FER1L5: variants seen among roughly 807,000 people sequenced by gnomAD.
FER1L5 encodes fer-1-like protein 5.
A neutral mutation model predicts 279.9 loss-of-function variants in FER1L5; 187 were observed. The ratio of observed to expected loss-of-function variants is 0.67; its 90% CI spans 0.59 to 0.75. FER1L5 has a LOEUF of 0.75. FER1L5 is among the 30% of genes least tolerant of loss of function. FER1L5 has a pLI of 0.00. For missense variants in FER1L5, 2,091 were observed against 2,594.4 expected (o/e 0.81, Z 4.21); for synonymous variants, 921 against 989.7 (o/e 0.93, Z 1.30).
At chr2:96,688,072 T>C (rs2077000704) in intron 24 of FER1L5, 125 bp downstream of exon 24, 1 of 1,270,146 alleles carries the variant, frequency 7.9e-7, no homozygotes. Flanking sequence ...GTAGCTGCAG[T>C]AGCCCTGCAC....
At position 96,691,704 on chromosome 2, in the gene FER1L5, A is replaced by C. The variant is rs1395928121; in HGVS notation, c.3075+92A>C. ...CTGGCTGGGGCGCTGACTGCGGAGG[A>C]AGGGCCTCTGTTCCTCAGGCTTGCG... On this transcript the variant is annotated intron_variant, in intron 29 of 52. Transcript: ENST00000624922. This position sits in a 1 kb window ranked among gnomAD's most constrained non-coding sequence, Gnocchi z 6.0. The C allele has an allele frequency of 6.5e-7, 1 of 1,543,088 alleles. No homozygotes were observed. Among genetic ancestry groups the C allele is most frequent in the Non-Finnish European group, 8.8e-7 (1 of 1,142,146 alleles).
Position 96,699,932 on chromosome 2 carries a change from G to A in FER1L5, c.4782G>A (p.Gln1594=), listed in dbSNP as rs1033716286. 3 of 1,613,648 alleles carry A rather than the reference G, an allele frequency of 1.9e-6. No homozygotes were observed. The African/African-American group carries it at 4.0e-5, about 22-fold the overall frequency. ...AHCGLSKSYC[Q]SGPFRWRDQM... The stretch of plus-strand genomic sequence containing the variant: ...CCTCTTCCTCTCACATCCCCCACAG[G>A]TCAGGGCCCTTTAGATGGCGGGATC... The change falls in exon 44 of 53, where the codon CAG becomes CAA. Residue 1594 remains glutamine (Q), a splice_region_variant and synonymous_variant. Coordinates refer to ENST00000624922, the MANE Select transcript of FER1L5 (RefSeq NM_001293083.2).
At position 96,673,269 on chromosome 2, in the gene FER1L5, C is replaced by G. The variant is rs1203867453; in HGVS notation, c.1669+15C>G. On this transcript the variant is annotated intron_variant, in intron 19 of 52. Coordinates refer to ENST00000624922, the MANE Select transcript of FER1L5 (RefSeq NM_001293083.2). ...GATATATGATGGTAATTGTCAGATT[C>G]AGGCAATAAGTAGAGAGCAGCCACT... 5 of 1,544,644 alleles carry G rather than the reference C, an allele frequency of 3.2e-6. No individual in the cohort carries two copies. Among genetic ancestry groups the G allele is most frequent in the Non-Finnish European group, 4.4e-6 (5 of 1,141,250 alleles).
chr2:96,685,576 G>A, intron 21 of FER1L5, 147 bp downstream of exon 21: 1 of 726,648 alleles, frequency 1.4e-6, no homozygotes, highest in Non-Finnish European at 2.2e-6. Flanking sequence ...GAAACCCCAA[G>A]AGTCGCTTCT....
At chr2:96,692,552 G>A (rs2077194748) in intron 31 of FER1L5, among the ~76,000 whole-genome samples, 1 of 152,254 alleles carries the variant, frequency 6.6e-6, no homozygotes, top group South Asian at 2.1e-4. Flanking sequence ...ACTTAGCTGG[G>A]CATGGAAGAG....
rs539298250 is a variant in FER1L5 at position 96,703,694 on chromosome 2, G to A, written c.5801+62G>A. On this transcript the variant is annotated intron_variant, in intron 51 of 52. Coordinates refer to ENST00000624922, the MANE Select transcript of FER1L5 (RefSeq NM_001293083.2). ...TGCTCCTCAGTGTGTATGGGGTGGT[G>A]ACCAGTGGGCCTATCATGGAGAGGT... 27 of 1,474,710 alleles carry A rather than the reference G, an allele frequency of 1.8e-5. No homozygotes were observed. The South Asian group carries it at 2.9e-4, about 16-fold the overall frequency. 91.4% of individuals were successfully genotyped at this position (1,474,710 alleles called of 1,614,324 possible). A position where few individuals can be genotyped will look rare whatever the true frequency, so the allele number is the denominator to read the frequency against.
intron 9 of FER1L5, among the ~76,000 whole-genome samples, chr2:96,655,446 C>T (rs553981441): frequency 3.3e-5 from 5 of 152,122 alleles, no homozygotes; most frequent in South Asian, 2.1e-4. Context: ...TTGCAGGGGA[C>T]GTATGTGTAT....
intron 19 of FER1L5, among the ~76,000 whole-genome samples, chr2:96,676,215 A>G (rs1482792088): frequency 6.6e-6 from 1 of 152,128 alleles, no homozygotes; most frequent in Non-Finnish European, 1.5e-5. Context: ...TCAGTTAACC[A>G]TATTATTGAT....
chr2:96,678,275 A>G (rs1336725022), intron 19 of FER1L5, among the ~76,000 whole-genome samples: 3 of 151,812 alleles, frequency 2.0e-5, no homozygotes, highest in Admixed American at 6.6e-5. Context: ...GACTACAGGC[A>G]TGTGCCACCA....
intron 14 of FER1L5, among the ~76,000 whole-genome samples, chr2:96,664,893 T>C (rs2076075756): frequency 6.6e-6 from 1 of 152,244 alleles, no homozygotes; most frequent in African/African-American, 2.4e-5. Context: ...TAATTAGAGC[T>C]TTTTGTTGAT....
intron 9 of FER1L5, among the ~76,000 whole-genome samples, chr2:96,659,465 C>CTTTCTTTCTTTCTTTCTTTCTTTCT (rs2075841893): frequency 3.9e-5 from 1 of 25,398 alleles, no homozygotes; most frequent in Admixed American, 6.4e-4. Context: ...TTCTTTCTTT[C>CTTTCTTTCTTTCTTTCTTTCTTTCT]TTTCTTTCTT....
At chr2:96,682,230 C>A (rs1358257553) in intron 19 of FER1L5, among the ~76,000 whole-genome samples, 1 of 152,170 alleles carries the variant, frequency 6.6e-6, no homozygotes, top group Non-Finnish European at 1.5e-5. Context: ...GGGATTACAG[C>A]TGCCCACCAT....
chr2:96,653,707 G>A lies in FER1L5; in HGVS notation c.696+5G>A. On this transcript the variant is annotated splice_donor_5th_base_variant and intron_variant, in intron 8 of 52. Transcript: ENST00000624922. ...GATGAGACCATCTTAATCCAGGTGA[G>A]GAGCCAAACTGGTCCCCAGCAAGGT... 1 of 1,550,088 alleles carries A rather than the reference G, an allele frequency of 6.5e-7. No individual in the cohort carries two copies. The highest frequency in any genetic ancestry group is 2.4e-5 in the East Asian group (1 of 40,902).
chr2:96,646,191 G>A (rs972681342), intron 1 of FER1L5, among the ~76,000 whole-genome samples: 2 of 151,962 alleles, frequency 1.3e-5, no homozygotes, highest in African/African-American at 4.8e-5. Context: ...GTAGAGATGG[G>A]GTTTCACCGT....
intron 24 of FER1L5, 153 bp downstream of exon 24, chr2:96,688,100 T>C: frequency 9.4e-7 from 1 of 1,067,354 alleles, no homozygotes; most frequent in Non-Finnish European, 1.3e-6. Flanking sequence ...GAAGAAAAAA[T>C]TCCTGACCGA....
At chr2:96,687,399 T>G (rs2076971202) in intron 23 of FER1L5, among the ~76,000 whole-genome samples, 1 of 152,262 alleles carries the variant, frequency 6.6e-6, no homozygotes. Context: ...GGCCAACTCC[T>G]GGCCATGCCC....
intron 10 of FER1L5, among the ~76,000 whole-genome samples, chr2:96,660,846 A>G (rs549872585): frequency 7.6e-4 from 116 of 152,342 alleles, no homozygotes; most frequent in Middle Eastern, 6.8e-3. Flanking sequence ...GAGCCACCAC[A>G]CCTGGCCTAT....
chr2:96,659,369 CT>C (rs1286499233), intron 9 of FER1L5, among the ~76,000 whole-genome samples: 50 of 14,476 alleles, frequency 3.5e-3, no homozygotes, highest in Non-Finnish European at 4.1e-3. Context: ...TTCCTTCTTT[CT>C]TTCTTTCTTT....
intron 18 of FER1L5, among the ~76,000 whole-genome samples, chr2:96,671,838 A>G (rs1329866560): frequency 6.6e-6 from 1 of 152,186 alleles, no homozygotes; most frequent in Non-Finnish European, 1.5e-5. Context: ...GGCAGAGAGA[A>G]AGGGCGAGGA....
Sources: gnomAD v4.1 joint callset for allele counts (sites outside exome capture counted in the v4.1 genomes callset) on GRCh38, gnomAD v4.1.1 for gene constraint, Gnocchi (gnomAD v3.1) non-coding constraint, MANE v1.5 for transcripts, NCBI Gene and HGNC (gene_info 2026-07-23, HGNC 2026-07-21) for gene names.